The following CNTN1 variants were observed in gnomAD, a reference collection of about 807,000 sequenced individuals.
The protein encoded by CNTN1 is contactin 1.
In CNTN1, 38 loss-of-function variants were observed where a neutral mutation model predicts 126.4. The observed-to-expected ratio is 0.30, with a 90% CI of 0.23 to 0.39. The LOEUF is 0.39. CNTN1 is among the 10% of genes least tolerant of loss of function. The probability of loss-of-function intolerance (pLI) is 1.00; values close to 1 mark genes in which losing one functional copy is unlikely to be tolerated. For synonymous variants in CNTN1, 413 were observed against 422.6 expected (o/e 0.98, Z 0.28); for missense variants, 1,009 against 1,248.4 (o/e 0.81, Z 2.89).
chr12:40,966,899 G>A (rs1947326464), intron 15 of CNTN1, among the ~76,000 whole-genome samples: 1 of 152,132 alleles, frequency 6.6e-6, no homozygotes, highest in Admixed American at 6.6e-5. Flanking sequence ...CCACACTAGA[G>A]TACAGTGAGA....
intron 1 of CNTN1, among the ~76,000 whole-genome samples, chr12:40,695,155 T>C (rs1328352280): frequency 6.6e-6 from 1 of 152,204 alleles, no homozygotes; most frequent in Non-Finnish European, 1.5e-5. Context: ...TTATAATCTT[T>C]TTGTATACCC....
chr12:40,865,088 T>C (rs1045985858), intron 1 of CNTN1, among the ~76,000 whole-genome samples: 3 of 152,188 alleles, frequency 2.0e-5, no homozygotes, highest in African/African-American at 7.2e-5. Flanking sequence ...TAATGAGTAA[T>C]GATAGCAATG....
chr12:40,736,567 A>G (rs997542664), intron 1 of CNTN1, among the ~76,000 whole-genome samples: 1 of 152,116 alleles, frequency 6.6e-6, no homozygotes, highest in Non-Finnish European at 1.5e-5. Flanking sequence ...GATTACTTGG[A>G]AAGTAAATAT....
chr12:40,791,855 TTTATATTGATGTAAA>T (rs1940232926), intron 1 of CNTN1, among the ~76,000 whole-genome samples: 1 of 152,116 alleles, frequency 6.6e-6, no homozygotes. Flanking sequence ...GGGAGAGATG[TTTATATTGATGTAAA>T]TAAAATAAGG....
intron 1 of CNTN1, among the ~76,000 whole-genome samples, chr12:40,805,819 G>A (rs1278508807): frequency 6.6e-6 from 1 of 152,000 alleles, no homozygotes; most frequent in Non-Finnish European, 1.5e-5. Context: ...CCCTTCTATT[G>A]GGTTGTTAGT....
intron 1 of CNTN1, among the ~76,000 whole-genome samples, chr12:40,709,679 A>G (rs913279353): frequency 1.3e-5 from 2 of 152,208 alleles, no homozygotes; most frequent in African/African-American, 2.4e-5. Context: ...CAGCTTTTAC[A>G]TCACCACATC....
intron 1 of CNTN1, among the ~76,000 whole-genome samples, chr12:40,896,819 C>A (rs1230057620): frequency 6.6e-6 from 1 of 152,146 alleles, no homozygotes; most frequent in Non-Finnish European, 1.5e-5. Flanking sequence ...AGATTTTTGA[C>A]AAGGGAGAAG....
intron 14 of CNTN1, among the ~76,000 whole-genome samples, chr12:40,950,566 G>A (rs1049335620): frequency 7.9e-5 from 12 of 151,978 alleles, no homozygotes; most frequent in Admixed American, 3.3e-4. Flanking sequence ...AAAAGCATTC[G>A]GCCAATGTCA....
At chr12:40,908,897 G>T (rs1592240148) in intron 2 of CNTN1, among the ~76,000 whole-genome samples, 2 of 152,218 alleles carry the variant, frequency 1.3e-5, no homozygotes, top group East Asian at 1.9e-4. Context: ...ATGGCAAAGA[G>T]AATATAAAAT....
At position 41,018,022 on chromosome 12, in the gene CNTN1, T is replaced by A. The variant is rs1011881407; in HGVS notation, c.2419+1106T>A. Among the ~76,000 whole-genome samples, 4 of 150,168 alleles carry A rather than the reference T, an allele frequency of 2.7e-5. No homozygotes were observed. In the Admixed American group the frequency reaches 2.7e-4, roughly 10 times the overall value. On this transcript the variant is annotated intron_variant, in intron 19 of 23. Coordinates refer to ENST00000551295, the MANE Select transcript of CNTN1 (RefSeq NM_001843.4). ...AGGAGAATCGCCTGGACCCGGGAGG[T>A]GAAGTTGCCGTGAGCCGAGATCAGG...
intron 1 of CNTN1, among the ~76,000 whole-genome samples, chr12:40,845,917 T>C (rs1032612576): frequency 3.3e-5 from 5 of 152,174 alleles, no homozygotes; most frequent in African/African-American, 1.2e-4. Flanking sequence ...ATTAGTGGAA[T>C]GGAAATTAAA....
intron 1 of CNTN1, among the ~76,000 whole-genome samples, chr12:40,795,053 T>C (rs1386036872): frequency 6.6e-6 from 1 of 152,050 alleles, no homozygotes; most frequent in African/African-American, 2.4e-5. Flanking sequence ...TAGATTTCCC[T>C]CCACAATGTG....
At chr12:40,808,754 A>G (rs1366336536) in intron 1 of CNTN1, among the ~76,000 whole-genome samples, 1 of 152,144 alleles carries the variant, frequency 6.6e-6, no homozygotes, top group Non-Finnish European at 1.5e-5. Context: ...GTTTTGACTC[A>G]CAGCCCACAT....
chr12:40,778,614 T>G (rs1485089960), intron 1 of CNTN1, among the ~76,000 whole-genome samples: 1 of 151,798 alleles, frequency 6.6e-6, no homozygotes, highest in Non-Finnish European at 1.5e-5. Flanking sequence ...TGAATGAACA[T>G]AAACCTAATT....
intron 1 of CNTN1, among the ~76,000 whole-genome samples, chr12:40,810,808 A>C (rs1941032374): frequency 6.6e-6 from 1 of 152,114 alleles, no homozygotes; most frequent in South Asian, 2.1e-4. Context: ...CTTGAGGGCA[A>C]GAGTTTGAAA....
chr12:40,959,310 C>A, intron 15 of CNTN1, 76 bp downstream of exon 15: 2 of 1,500,628 alleles, frequency 1.3e-6, no homozygotes, highest in Non-Finnish European at 1.8e-6. Flanking sequence ...CTTCTGGTAA[C>A]TCTGGTGCAA....
intron 15 of CNTN1, 129 bp downstream of exon 15, chr12:40,959,363 A>T: frequency 1.0e-6 from 1 of 961,282 alleles, no homozygotes; most frequent in Non-Finnish European, 1.6e-6. Context: ...TTAAGAATGG[A>T]TCTTAAGCTT....
At chr12:40,885,409 A>G (rs1480342707) in intron 1 of CNTN1, among the ~76,000 whole-genome samples, 2 of 151,822 alleles carry the variant, frequency 1.3e-5, no homozygotes, top group Admixed American at 1.3e-4. Context: ...AATTGGTGGG[A>G]TTATAGTTAT....
chr12:40,707,067 CACACACACACA>C (rs1941772119), intron 1 of CNTN1, among the ~76,000 whole-genome samples: 1 of 150,606 alleles, frequency 6.6e-6, no homozygotes, highest in Admixed American at 6.6e-5. Flanking sequence ...CACACACACA[CACACACACACA>C]CACACACACA....
Sources: gnomAD v4.1 joint callset for allele counts (sites outside exome capture counted in the v4.1 genomes callset) on GRCh38, gnomAD v4.1.1 for gene constraint, MANE v1.5 for transcripts, NCBI Gene and HGNC (gene_info 2026-07-23, HGNC 2026-07-21) for gene names.